The following CHN2 variants were observed in gnomAD, a reference collection of about 807,000 sequenced individuals.
CHN2 encodes beta-chimaerin.
Under a neutral mutation model 56.3 loss-of-function variants are expected in CHN2, and 35 were observed. The observed-to-expected ratio is 0.62, with a 90% confidence interval of 0.47 to 0.82. The LOEUF is 0.82. Ranked by LOEUF, CHN2 falls within the 40% of genes least tolerant of loss-of-function variation. CHN2 has a pLI of 0.00. For missense variants in CHN2, 491 were observed against 580.5 expected (o/e 0.85, Z 1.58); for synonymous variants, 210 against 212.8 (o/e 0.99, Z 0.12).
At chr7:29,507,947 T>C (rs1193760586) in intron 11 of CHN2, among the ~76,000 whole-genome samples, 1 of 152,172 alleles carries the variant, frequency 6.6e-6, no homozygotes, top group East Asian at 1.9e-4. Flanking sequence ...ATTAACTACT[T>C]TTATCTGTTA....
At chr7:29,229,862 A>G (rs1340874670) in intron 1 of CHN2, among the ~76,000 whole-genome samples, 2 of 152,186 alleles carry the variant, frequency 1.3e-5, no homozygotes, top group Non-Finnish European at 2.9e-5. Flanking sequence ...CTGTAGTATC[A>G]GCTACTTGGG....
At chr7:29,178,492 C>G (rs139925283) in intron 2 of CHN2, among the ~76,000 whole-genome samples, 67 of 152,272 alleles carry the variant, frequency 4.4e-4, no homozygotes, top group African/African-American at 1.6e-3. Context: ...GTTCCCTCCT[C>G]CAGACCTGCA....
intron 6 of CHN2, among the ~76,000 whole-genome samples, chr7:29,417,993 A>G (rs569111162): frequency 3.2e-4 from 48 of 152,316 alleles, no homozygotes; most frequent in Non-Finnish European, 5.3e-4. Context: ...AAGAATCTGT[A>G]GAATAGCACA....
chr7:29,254,664 G>T (rs1417004798), intron 1 of CHN2, among the ~76,000 whole-genome samples: 1 of 152,084 alleles, frequency 6.6e-6, no homozygotes, highest in Non-Finnish European at 1.5e-5. Flanking sequence ...GGTTACCGGG[G>T]ACTGGACATG....
intron 6 of CHN2, among the ~76,000 whole-genome samples, chr7:29,444,746 C>T (rs1190200999): frequency 6.6e-6 from 1 of 152,144 alleles, no homozygotes; most frequent in East Asian, 1.9e-4. Context: ...GCTTGCATAT[C>T]CAGAGATGAG....
intron 1 of CHN2, among the ~76,000 whole-genome samples, chr7:29,347,639 C>G (rs576187670): frequency 6.6e-6 from 1 of 152,172 alleles, no homozygotes; most frequent in Non-Finnish European, 1.5e-5. Context: ...ACCGGGGTCC[C>G]TCCCTCAACA....
At chr7:29,435,443 C>T (rs1430949433) in intron 6 of CHN2, among the ~76,000 whole-genome samples, 4 of 152,182 alleles carry the variant, frequency 2.6e-5, no homozygotes, top group South Asian at 2.1e-4. Flanking sequence ...ATGCAAACAC[C>T]ATAGAGTGTA....
At chr7:29,396,388 C>T (rs774730051) in intron 4 of CHN2, among the ~76,000 whole-genome samples, 2 of 125,462 alleles carry the variant, frequency 1.6e-5, no homozygotes, top group African/African-American at 6.1e-5. Context: ...GCCTGGGAGG[C>T]GGAGGTTGCA....
Position 29,183,846 on chromosome 7 carries a change from C to A in CHN2, c.274+36886C>A, listed in dbSNP as rs139948037. On this transcript the variant is annotated intron_variant, in intron 2 of 6. Transcript: ENST00000439384. ...TATATTTGTAGATTCCACACCCATG[C>A]ATTCAACCAACCAAAAATGTTAGAA... Among the ~76,000 whole-genome samples, 280 of 152,232 alleles carry A rather than the reference C, an allele frequency of 1.8e-3. 1 individual carries two copies. Among genetic ancestry groups the A allele is most frequent in the African/African-American group, 6.5e-3 (269 of 41,526 alleles).
intron 1 of CHN2, among the ~76,000 whole-genome samples, chr7:29,285,368 A>G (rs57352014): frequency 0.037 from 5,573 of 152,318 alleles, 310 homozygotes; most frequent in African/African-American, 0.12. Context: ...CAGACAAAAC[A>G]TCTCCATGAC....
In CHN2 at chr7:29,358,397, A is replaced by C. The variant is rs552576954; in HGVS notation, c.88+3734A>C. Reference sequence around the variant, plus strand: ...TGTGCAACAGCGAGACCCTGTCTCTAAAAAAAATTTTAATTTAAAAATAAA... The same window carrying C: ...TGTGCAACAGCGAGACCCTGTCTCTCAAAAAAATTTTAATTTAAAAATAAA... On this transcript the variant is annotated intron_variant, in intron 2 of 12. Transcript: ENST00000222792. Among the ~76,000 whole-genome samples, 14 of 152,142 alleles carry C rather than the reference A, an allele frequency of 9.2e-5. No individual in the cohort carries two copies. In the South Asian group the frequency reaches 2.7e-3, roughly 29 times the overall value.
intron 6 of CHN2, among the ~76,000 whole-genome samples, chr7:29,408,564 C>T (rs1192347030): frequency 1.3e-5 from 2 of 152,198 alleles, no homozygotes; most frequent in East Asian, 3.8e-4. Context: ...CTACAGTTAC[C>T]TGTGCTGGTT....
At chr7:29,310,644 G>A (rs1161274519) in intron 1 of CHN2, among the ~76,000 whole-genome samples, 1 of 152,202 alleles carries the variant, frequency 6.6e-6, no homozygotes, top group East Asian at 1.9e-4. Flanking sequence ...CACAGAGTGG[G>A]TGGCTTATAA....
intron 1 of CHN2, among the ~76,000 whole-genome samples, chr7:29,225,277 T>C (rs1786103332): frequency 2.0e-5 from 3 of 152,170 alleles, no homozygotes; most frequent in Non-Finnish European, 4.4e-5. Flanking sequence ...CATAACATTG[T>C]TGTGTTGTAC....
intron 2 of CHN2, chr7:29,184,296 A>G (rs540838870): frequency 6.6e-6 from 1 of 151,150 alleles, no homozygotes; most frequent in South Asian, 2.1e-4. Flanking sequence ...ATATTTAGGA[A>G]TATTATATAT....
At chr7:29,412,439 C>T (rs1445325219) in intron 6 of CHN2, among the ~76,000 whole-genome samples, 1 of 136,120 alleles carries the variant, frequency 7.3e-6, no homozygotes, top group African/African-American at 2.8e-5. Context: ...TCAAGTGATT[C>T]TTCTACCTCA....
chr7:29,397,269 A>T (rs746694957), intron 4 of CHN2: 2 of 152,246 alleles, frequency 1.3e-5, no homozygotes, highest in South Asian at 2.1e-4. Flanking sequence ...AGGCACTTTT[A>T]AAAATGTTAT....
At chr7:29,478,377 A>C (rs761489957) in intron 6 of CHN2, among the ~76,000 whole-genome samples, 14 of 152,186 alleles carry the variant, frequency 9.2e-5, no homozygotes, top group Admixed American at 2.0e-4. Context: ...ATGGAGAAGC[A>C]TGGGTGGATT....
chr7:29,258,143 G>A (rs12112384), intron 1 of CHN2, among the ~76,000 whole-genome samples: 1 of 151,850 alleles, frequency 6.6e-6, no homozygotes, highest in African/African-American at 2.4e-5. Context: ...ACAGATTTTT[G>A]GTGGTCCCTA....
Sources: allele counts gnomAD v4.1 joint callset (sites outside exome capture counted in the v4.1 genomes callset), GRCh38; gene constraint gnomAD v4.1.1; transcripts MANE v1.5; gene names NCBI Gene and HGNC (gene_info 2026-07-23, HGNC 2026-07-21).